Variants in ZNRF1 observed in about 807,000 individuals in gnomAD.
ZNRF1 encodes zinc and ring finger 1.
ZNRF1 carries 3 observed loss-of-function variants against 18.4 expected under a neutral mutation model. The ratio of observed to expected loss-of-function variants is 0.16; its 90% CI spans 0.07 to 0.42. The LOEUF (loss-of-function observed/expected upper bound fraction) is 0.42, where lower values mean the gene tolerates loss of function less well. Ranked by LOEUF, ZNRF1 falls within the 10% of genes least tolerant of loss-of-function variation. ZNRF1 has a pLI of 0.99. For missense variants in ZNRF1, 310 were observed against 329.8 expected (o/e 0.94, Z 0.47); for synonymous variants, 157 against 144.2 (o/e 1.09, Z -0.64).
chr16:75,101,652 T>G (rs1341593147), intron 2 of ZNRF1, among the ~76,000 whole-genome samples: 1 of 152,258 alleles, frequency 6.6e-6, no homozygotes, highest in African/African-American at 2.4e-5. Flanking sequence ...ATCCTTCTGA[T>G]GCATTTCATA....
rs909617233 is a variant in ZNRF1, at chr16:75,110,820, G to GTGGCTGGC, written c.*3132_*3139dup. On this transcript the variant is annotated 3_prime_UTR_variant, in exon 5 of 5. Coordinates refer to ENST00000335325, the MANE Select transcript of ZNRF1 (RefSeq NM_032268.5). ...GCAGGATTCTCGCCTGGAAGAGTGG[G>GTGGCTGGC]TGGCTGGCTGGCTGGCTGGAAGGGG... 1.3e-5 allele frequency: 2 copies of GTGGCTGGC among 152,350 alleles called. No homozygotes were observed. Among genetic ancestry groups the GTGGCTGGC allele is most frequent in the African/African-American group, 2.4e-5 (1 of 41,400 alleles). The allele number at this position is 152,350 out of a possible 1,614,324, so 9.4% of individuals were successfully genotyped here.
intron 1 of ZNRF1, among the ~76,000 whole-genome samples, chr16:75,028,248 T>C (rs989857629): frequency 6.6e-6 from 1 of 152,210 alleles, no homozygotes; most frequent in South Asian, 2.1e-4. Context: ...TAACTTATCA[T>C]GATTCTACTT....
intron 1 of ZNRF1, among the ~76,000 whole-genome samples, chr16:75,013,052 C>A (rs1001364593): frequency 2.0e-5 from 3 of 152,148 alleles, no homozygotes; most frequent in Non-Finnish European, 4.4e-5. Flanking sequence ...AGAGATACAT[C>A]CTTCAACAAT....
At chr16:75,020,662 C>T (rs1321979874) in intron 1 of ZNRF1, among the ~76,000 whole-genome samples, 1 of 152,048 alleles carries the variant, frequency 6.6e-6, no homozygotes. Flanking sequence ...TTGCTTCAGC[C>T]TCCCAAGTAG....
At chr16:75,056,008 C>G (rs961882391) in intron 1 of ZNRF1, among the ~76,000 whole-genome samples, 3 of 152,212 alleles carry the variant, frequency 2.0e-5, no homozygotes, top group Non-Finnish European at 4.4e-5. Context: ...CTTTGCTGAG[C>G]AGGCATGTTG....
intron 1 of ZNRF1, 93 bp downstream of exon 1, chr16:75,000,188 C>T (rs112782269): frequency 0.011 from 16,586 of 1,487,484 alleles, 146 homozygotes; most frequent in South Asian, 0.016. Context: ...ATGTAGTGCA[C>T]GACCGGGATC....
intron 2 of ZNRF1, among the ~76,000 whole-genome samples, chr16:75,102,632 C>T (rs1451006210): frequency 6.6e-6 from 1 of 152,184 alleles, no homozygotes; most frequent in African/African-American, 2.4e-5. Context: ...TGTCTTCTGC[C>T]TTCTTTGGAT....
At chr16:75,008,411 C>A (rs949261618) in intron 1 of ZNRF1, among the ~76,000 whole-genome samples, 1 of 152,114 alleles carries the variant, frequency 6.6e-6, no homozygotes, top group Non-Finnish European at 1.5e-5. Context: ...ACTTGTCTTC[C>A]TCCTGACTTT....
intron 1 of ZNRF1, among the ~76,000 whole-genome samples, chr16:75,082,359 A>G (rs1306532582): frequency 6.6e-6 from 1 of 152,126 alleles, no homozygotes; most frequent in African/African-American, 2.4e-5. Flanking sequence ...TTCCTGGTAG[A>G]TGCTTTCCCC....
rs1370119547 is a variant in ZNRF1 at position 75,095,678 on chromosome 16, A to AG, written c.520+2013dup. 6 of 1,549,934 alleles carry AG rather than the reference A, an allele frequency of 3.9e-6. No individual in the cohort carries two copies. The East Asian group carries it at 1.5e-4, about 38-fold the overall frequency. ...AAGAACTTTGCAAGAGCAGCCGTGGAGGACAGAGTGCTCTTGGGCCCCCAT... is the reference window on the plus strand; with the variant it reads ...AAGAACTTTGCAAGAGCAGCCGTGGAGGGACAGAGTGCTCTTGGGCCCCCAT... On this transcript the variant is annotated intron_variant, in intron 2 of 4. Coordinates refer to ENST00000335325, the MANE Select transcript of ZNRF1 (RefSeq NM_032268.5).
intron 1 of ZNRF1, among the ~76,000 whole-genome samples, chr16:75,004,988 G>A (rs377521992): frequency 6.6e-6 from 1 of 152,172 alleles, no homozygotes; most frequent in African/African-American, 2.4e-5. Flanking sequence ...GCCACTGTAG[G>A]GTTCTCAAGT....
At chr16:75,010,710 T>G (rs2034985510) in intron 1 of ZNRF1, among the ~76,000 whole-genome samples, 1 of 45,144 alleles carries the variant, frequency 2.2e-5, no homozygotes, top group Non-Finnish European at 8.0e-5. Flanking sequence ...TGTTTTTTTT[T>G]GTTTTTTTGT....
At chr16:75,076,409 C>G (rs752359608) in intron 1 of ZNRF1, among the ~76,000 whole-genome samples, 1 of 152,030 alleles carries the variant, frequency 6.6e-6, no homozygotes. Flanking sequence ...ACAGCCACTT[C>G]GGGATGTGAA....
chr16:75,088,265 A>G (rs1467663294), intron 1 of ZNRF1, among the ~76,000 whole-genome samples: 1 of 152,206 alleles, frequency 6.6e-6, no homozygotes, highest in African/African-American at 2.4e-5. Flanking sequence ...ATGACATTTC[A>G]GGAAAGAAGC....
chr16:75,018,556 G>A (rs2035100954), intron 1 of ZNRF1, among the ~76,000 whole-genome samples: 1 of 151,638 alleles, frequency 6.6e-6, no homozygotes, highest in Non-Finnish European at 1.5e-5. Context: ...ATATGTTTTT[G>A]GTATATTGCC....
chr16:75,082,797 A>G (rs1411359985), intron 1 of ZNRF1, among the ~76,000 whole-genome samples: 1 of 152,182 alleles, frequency 6.6e-6, no homozygotes, highest in Non-Finnish European at 1.5e-5. Flanking sequence ...CAAGTGATCT[A>G]CCTGCCTTGG....
chr16:75,004,760 G>A (rs942436645), intron 1 of ZNRF1, among the ~76,000 whole-genome samples: 1 of 152,032 alleles, frequency 6.6e-6, no homozygotes, highest in East Asian at 1.9e-4. Context: ...ACTCAGGTGC[G>A]CACCACTACA....
chr16:75,085,022 T>C (rs2036057392), intron 1 of ZNRF1, among the ~76,000 whole-genome samples: 1 of 152,250 alleles, frequency 6.6e-6, no homozygotes, highest in Admixed American at 6.5e-5. Context: ...CATATTTGTT[T>C]ACAGGTTTTT....
intron 1 of ZNRF1, among the ~76,000 whole-genome samples, chr16:75,020,528 G>GTCTTT (rs141206916): frequency 8.0e-4 from 121 of 151,330 alleles, no homozygotes; most frequent in African/African-American, 2.1e-3. Context: ...CTCCTTTTCA[G>GTCTTT]TCTTTTCTTT....
Sources: gnomAD v4.1 joint callset for allele counts (sites outside exome capture counted in the v4.1 genomes callset) on GRCh38, gnomAD v4.1.1 for gene constraint, MANE v1.5 for transcripts, NCBI Gene and HGNC (gene_info 2026-07-23, HGNC 2026-07-21) for gene names.